Variants in DTWD2 observed in about 807,000 individuals in gnomAD.
The protein encoded by DTWD2 is tRNA-uridine aminocarboxypropyltransferase 2.
Under a neutral mutation model 31.8 loss-of-function variants are expected in DTWD2, and 39 were observed. The ratio of observed to expected loss-of-function variants is 1.22; its 90% CI spans 0.95 to 1.60. DTWD2 has a LOEUF of 1.60. Among genes scored for constraint, DTWD2 ranks in the 40% most tolerant of loss-of-function variants. The probability of loss-of-function intolerance (pLI) is 0.00; values close to 1 mark genes in which losing one functional copy is unlikely to be tolerated. For missense variants in DTWD2, 515 were observed against 381.5 expected, an observed-to-expected ratio of 1.35 and a Z score of -2.92; for synonymous variants, 180 against 142.8, an observed-to-expected ratio of 1.26 and a Z score of -1.86.
intron 4 of DTWD2, among the ~76,000 whole-genome samples, chr5:118,914,158 T>C (rs1753522804): frequency 6.6e-6 from 1 of 152,338 alleles, no homozygotes; most frequent in African/African-American, 2.4e-5. Flanking sequence ...ATTCATGTGT[T>C]GGAAACTTAA....
chr5:118,921,885 T>C (rs1012056452), intron 4 of DTWD2, among the ~76,000 whole-genome samples: 8 of 152,192 alleles, frequency 5.3e-5, no homozygotes, highest in African/African-American at 1.9e-4. Flanking sequence ...ATATATAACA[T>C]AAAGCAGTCT....
chr5:118,866,077 C>G (rs1201773490), intron 4 of DTWD2, among the ~76,000 whole-genome samples: 1 of 151,678 alleles, frequency 6.6e-6, no homozygotes, highest in Non-Finnish European at 1.5e-5. Context: ...ACCCTTAGAA[C>G]CAAAATGCCT....
chr5:118,909,449 A>G (rs1271488393), intron 4 of DTWD2, among the ~76,000 whole-genome samples: 3 of 152,164 alleles, frequency 2.0e-5, no homozygotes, highest in African/African-American at 7.2e-5. Flanking sequence ...AGCTTTTACT[A>G]ACAAGGGCCT....
rs563150169 is a variant in DTWD2 at position 118,974,084 on chromosome 5, G to A, written c.218+14210C>T. The A allele has an allele frequency of 5.6e-5, 90 of 1,600,794 alleles. 1 individual carries two copies. Among genetic ancestry groups the A allele is most frequent in the Non-Finnish European group, 7.5e-5 (88 of 1,173,352 alleles). On this transcript the variant is annotated intron_variant, in intron 1 of 5. Coordinates refer to ENST00000510708, the MANE Select transcript of DTWD2 (RefSeq NM_173666.4). ...GGCAGCTGAAGATGATGAGGATGAC[G>A]ATGTCGATACCAAGAAGCAGAAGAC... is the stretch of plus-strand genomic sequence containing the variant.
chr5:118,884,996 C>CAAAAAAAAAAAAAAA (rs36042211), intron 4 of DTWD2, among the ~76,000 whole-genome samples: 6 of 49,744 alleles, frequency 1.2e-4, no homozygotes, highest in African/African-American at 5.0e-4. Context: ...ACTCCATCTC[C>CAAAAAAAAAAAAAAA]AAAAAAAAAA....
At chr5:118,958,584 CAAAAAAAA>C (rs139781494) in intron 1 of DTWD2, among the ~76,000 whole-genome samples, 1 of 107,958 alleles carries the variant, frequency 9.3e-6, no homozygotes, top group Non-Finnish European at 2.0e-5. Flanking sequence ...CACAGAAAGA[CAAAAAAAA>C]AAAAAAAAGA....
At chr5:118,972,914 T>A (rs1435698124) in intron 1 of DTWD2, among the ~76,000 whole-genome samples, 1 of 152,184 alleles carries the variant, frequency 6.6e-6, no homozygotes, top group East Asian at 1.9e-4. Context: ...TGGGTGCCCC[T>A]GTATTGGGTG....
intron 4 of DTWD2, among the ~76,000 whole-genome samples, chr5:118,857,747 G>A (rs1472457491): frequency 1.3e-5 from 2 of 152,098 alleles, no homozygotes; most frequent in African/African-American, 4.8e-5. Flanking sequence ...CACAGTGCTG[G>A]GCATGTGCCT....
At chr5:118,985,490 T>TTATTTATATATATA (rs1554072596) in intron 1 of DTWD2, among the ~76,000 whole-genome samples, 1 of 95,418 alleles carries the variant, frequency 1.0e-5, no homozygotes. Flanking sequence ...ATGTGCATTT[T>TTATTTATATATATA]TATATATATA....
At chr5:118,890,033 A>G (rs1752945379) in intron 4 of DTWD2, among the ~76,000 whole-genome samples, 1 of 152,210 alleles carries the variant, frequency 6.6e-6, no homozygotes, top group African/African-American at 2.4e-5. Flanking sequence ...AAATATCAAT[A>G]AATAATACTT....
intron 4 of DTWD2, among the ~76,000 whole-genome samples, chr5:118,895,429 A>G (rs1026838651): frequency 1.3e-5 from 2 of 152,226 alleles, no homozygotes; most frequent in Non-Finnish European, 2.9e-5. Context: ...CAAAATGACC[A>G]TACTGCCCTA....
At chr5:118,952,976 T>G (rs1335829803) in intron 1 of DTWD2, among the ~76,000 whole-genome samples, 2 of 152,220 alleles carry the variant, frequency 1.3e-5, no homozygotes, top group African/African-American at 4.8e-5. Context: ...TTTCACATCT[T>G]CCTCTCACTT....
chr5:118,979,297 C>G (rs1561480751), intron 1 of DTWD2, among the ~76,000 whole-genome samples: 1 of 151,810 alleles, frequency 6.6e-6, no homozygotes, highest in Non-Finnish European at 1.5e-5. Flanking sequence ...GAGCAAGAGT[C>G]CATCCCCAAA....
chr5:118,962,302 C>T (rs1462894650), intron 1 of DTWD2, among the ~76,000 whole-genome samples: 1 of 152,136 alleles, frequency 6.6e-6, no homozygotes, highest in Non-Finnish European at 1.5e-5. Flanking sequence ...GTTAGTATTA[C>T]ATTACTATAT....
chr5:118,863,430 A>C (rs1752312357), intron 4 of DTWD2, among the ~76,000 whole-genome samples: 1 of 152,228 alleles, frequency 6.6e-6, no homozygotes, highest in African/African-American at 2.4e-5. Context: ...CATCTTATTC[A>C]AGAAGTCCTT....
chr5:118,943,931 C>A (rs1754267142), intron 2 of DTWD2, among the ~76,000 whole-genome samples: 1 of 152,140 alleles, frequency 6.6e-6, no homozygotes, highest in South Asian at 2.1e-4. Flanking sequence ...CATTTTACAG[C>A]AAATAATTTC....
In DTWD2 at chr5:118,857,821, T is replaced by C. The variant is rs1415104740; in HGVS notation, c.598-9603A>G. On this transcript the variant is annotated intron_variant, in intron 4 of 5. Coordinates refer to ENST00000510708, the MANE Select transcript of DTWD2 (RefSeq NM_173666.4). ...CAGTATTGAGTGAAGTACACAGAAGTCTTTCCTCTGTAGCAGAGAATAGGT... is the reference window on the plus strand; with the variant it reads ...CAGTATTGAGTGAAGTACACAGAAGCCTTTCCTCTGTAGCAGAGAATAGGT... Among the ~76,000 whole-genome samples, 11 of 152,282 alleles carry C rather than the reference T, an allele frequency of 7.2e-5. No individual in the cohort carries two copies. The East Asian group carries it at 2.1e-3, about 29-fold the overall frequency.
intron 1 of DTWD2, among the ~76,000 whole-genome samples, chr5:118,982,419 C>T (rs749196101): frequency 6.6e-6 from 1 of 152,144 alleles, no homozygotes; most frequent in Non-Finnish European, 1.5e-5. Context: ...TCCCTCTTGA[C>T]ATATATCATT....
At chr5:118,972,378 T>C (rs139305090) in intron 1 of DTWD2, among the ~76,000 whole-genome samples, 1 of 152,128 alleles carries the variant, frequency 6.6e-6, no homozygotes, top group Admixed American at 6.5e-5. Flanking sequence ...CTAGGAGAAA[T>C]GGATAAATTC....
Sources: allele counts gnomAD v4.1 joint callset (sites outside exome capture counted in the v4.1 genomes callset), GRCh38; gene constraint gnomAD v4.1.1; transcripts MANE v1.5; gene names NCBI Gene and HGNC (gene_info 2026-07-23, HGNC 2026-07-21).